The following PHF14 variants were observed in gnomAD, a reference collection of about 807,000 sequenced individuals.
The protein encoded by PHF14 is PHD finger protein 14.
Under a neutral mutation model 117.9 loss-of-function variants are expected in PHF14, and 55 were observed. That is an observed-to-expected ratio of 0.47 (90% CI 0.38 to 0.58). The LOEUF (loss-of-function observed/expected upper bound fraction) is 0.58. Ranked by LOEUF, PHF14 falls within the 20% of genes least tolerant of loss-of-function variation. PHF14 has a pLI of 0.00. For missense variants in PHF14, 978 were observed against 1,122.2 expected (o/e 0.87, Z 1.84); for synonymous variants, 409 against 368.6 (o/e 1.11, Z -1.26).
intron 13 of PHF14, among the ~76,000 whole-genome samples, chr7:11,043,726 T>G (rs1225957508): frequency 1.3e-5 from 2 of 152,152 alleles, no homozygotes; most frequent in East Asian, 3.9e-4. Context: ...TGGCCTGTTC[T>G]TTTGAAATGC....
chr7:11,081,275 A>G (rs1030367952), intron 16 of PHF14, among the ~76,000 whole-genome samples: 1 of 152,196 alleles, frequency 6.6e-6, no homozygotes, highest in Non-Finnish European at 1.5e-5. Flanking sequence ...AATCAAAGGC[A>G]TTAAGCATGA....
chr7:11,073,392 A>G (rs7782589), intron 16 of PHF14, among the ~76,000 whole-genome samples: 55,144 of 152,134 alleles, frequency 0.36, 10,603 homozygotes, highest in East Asian at 0.75. Context: ...CCAGGCATAC[A>G]TTAAACCTTA....
intron 17 of PHF14, among the ~76,000 whole-genome samples, chr7:11,153,384 T>G (rs1562488134): frequency 6.6e-6 from 1 of 152,096 alleles, no homozygotes; most frequent in Non-Finnish European, 1.5e-5. Flanking sequence ...GAGGTATAAG[T>G]CTTTTTTAGT....
chr7:11,015,454 T>C (rs570719611), intron 5 of PHF14, among the ~76,000 whole-genome samples: 1 of 152,356 alleles, frequency 6.6e-6, no homozygotes, highest in East Asian at 1.9e-4. Flanking sequence ...ATCTGTGGTC[T>C]GTATCATAGG....
chr7:11,018,406 T>C (rs1783603826), intron 5 of PHF14, among the ~76,000 whole-genome samples: 1 of 152,182 alleles, frequency 6.6e-6, no homozygotes. Flanking sequence ...CATTTTTTGG[T>C]GTCGTCTTCA....
At chr7:10,997,807 G>A (rs1782713622) in intron 4 of PHF14, among the ~76,000 whole-genome samples, 1 of 152,164 alleles carries the variant, frequency 6.6e-6, no homozygotes, top group Admixed American at 6.5e-5. Flanking sequence ...ATCAAAGAGA[G>A]AAAGAGACGG....
At chr7:11,115,448 C>T (rs373590650) in intron 17 of PHF14, among the ~76,000 whole-genome samples, 26 of 152,122 alleles carry the variant, frequency 1.7e-4, no homozygotes, top group African/African-American at 5.8e-4. Context: ...AGAACAGGTA[C>T]ATAAAACGTC....
chr7:11,055,050 C>G (rs989677274), intron 14 of PHF14, among the ~76,000 whole-genome samples: 2 of 151,974 alleles, frequency 1.3e-5, no homozygotes, highest in Admixed American at 1.3e-4. Context: ...AAGAATGGGT[C>G]CCATTCTTCT....
At chr7:11,127,114 T>A (rs1787949067) in intron 17 of PHF14, among the ~76,000 whole-genome samples, 1 of 151,882 alleles carries the variant, frequency 6.6e-6, no homozygotes, top group African/African-American at 2.4e-5. Flanking sequence ...ATTAATAGTC[T>A]TTTTTTTAAA....
chr7:11,129,682 C>A (rs977798076), intron 17 of PHF14, among the ~76,000 whole-genome samples: 2 of 150,948 alleles, frequency 1.3e-5, no homozygotes, highest in Non-Finnish European at 1.5e-5. Flanking sequence ...GGATAAAAAT[C>A]TGTATAGTAT....
intron 16 of PHF14, among the ~76,000 whole-genome samples, chr7:11,066,195 T>C (rs943293437): frequency 2.0e-5 from 3 of 152,226 alleles, no homozygotes; most frequent in African/African-American, 7.2e-5. Context: ...GTGTCATAAA[T>C]TATTAGGAAA....
chr7:11,064,489 G>C (rs755526471), intron 16 of PHF14, among the ~76,000 whole-genome samples: 2 of 151,776 alleles, frequency 1.3e-5, no homozygotes, highest in Non-Finnish European at 2.9e-5. Flanking sequence ...AACTTCATGG[G>C]TCACAATTAG....
intron 2 of PHF14, among the ~76,000 whole-genome samples, chr7:10,975,289 CATT>C (rs1252861059): frequency 1.3e-5 from 2 of 152,130 alleles, no homozygotes; most frequent in Non-Finnish European, 2.9e-5. Flanking sequence ...GTGTGTGGAC[CATT>C]AATAGTCCCT....
rs192004052 is a variant in PHF14 at position 11,106,013 on chromosome 7, C to G, written c.2655-5337C>G. ...TCCAAGGGCATGAGCAGATGGAAAT[C>G]AGTTTATTAAAGAACAAAGCAGACA... is the stretch of plus-strand genomic sequence containing the variant. On this transcript the variant is annotated intron_variant, in intron 16 of 17. Coordinates refer to ENST00000634607, the MANE Select transcript of PHF14 (RefSeq NM_001007157.2). 163 of 984,662 alleles carry G rather than the reference C, an allele frequency of 1.7e-4. No homozygotes were observed. The African/African-American group carries it at 2.7e-3, about 16-fold the overall frequency. 61.0% of individuals were successfully genotyped at this position (984,662 alleles called of 1,614,324 possible).
At chr7:11,147,107 C>T (rs1788569431) in intron 17 of PHF14, among the ~76,000 whole-genome samples, 1 of 152,144 alleles carries the variant, frequency 6.6e-6, no homozygotes, top group African/African-American at 2.4e-5. Flanking sequence ...CTCGGCTTCC[C>T]AAAGTGCTGG....
chr7:11,138,769 T>C (rs1788318653), intron 17 of PHF14, among the ~76,000 whole-genome samples: 2 of 152,182 alleles, frequency 1.3e-5, no homozygotes, highest in South Asian at 4.1e-4. Context: ...TTTTTAATTG[T>C]ATTTTCCTTG....
At chr7:11,054,304 A>C (rs558247366) in intron 14 of PHF14, among the ~76,000 whole-genome samples, 3 of 152,170 alleles carry the variant, frequency 2.0e-5, no homozygotes, top group Non-Finnish European at 4.4e-5. Flanking sequence ...GGGTTTGACT[A>C]AGCAGATTTC....
At chr7:10,979,016 G>A (rs1237330214) in intron 2 of PHF14, among the ~76,000 whole-genome samples, 1 of 152,096 alleles carries the variant, frequency 6.6e-6, no homozygotes, top group African/African-American at 2.4e-5. Context: ...TATATTTATA[G>A]TACTAACACT....
chr7:11,073,211 T>C (rs1370633233), intron 16 of PHF14, among the ~76,000 whole-genome samples: 1 of 152,166 alleles, frequency 6.6e-6, no homozygotes, highest in Non-Finnish European at 1.5e-5. Flanking sequence ...AGTGTCTTAC[T>C]GGGGACTCAA....
Sources: gnomAD v4.1 joint callset for allele counts (sites outside exome capture counted in the v4.1 genomes callset) on GRCh38, gnomAD v4.1.1 for gene constraint, MANE v1.5 for transcripts, NCBI Gene and HGNC (gene_info 2026-07-23, HGNC 2026-07-21) for gene names.